Variants in PRELID2 observed in about 807,000 individuals in gnomAD.
The protein encoded by PRELID2 is PRELI domain containing 2, also known as PRELI domain-containing protein 2.
Under a neutral mutation model 28.4 loss-of-function variants are expected in PRELID2, and 25 were observed. The ratio of observed to expected loss-of-function variants is 0.88; its 90% confidence interval spans 0.64 to 1.23. PRELID2 has a LOEUF of 1.23. Ranked by LOEUF, PRELID2 falls within the 50% of genes most tolerant of loss-of-function variation. The pLI is 0.00. For missense variants in PRELID2, 201 were observed against 214.4 expected (o/e 0.94, Z 0.39); for synonymous variants, 76 against 71.6 (o/e 1.06, Z -0.31).
the PRELID2 span, among the ~76,000 whole-genome samples, chr5:145,296,483 T>C: frequency 6.6e-6 from 1 of 152,022 alleles, no homozygotes; most frequent in African/African-American, 2.4e-5. Context: ...AGAATGATGA[T>C]TTCCAATTTC....
At chr5:145,410,365 T>C in the PRELID2 span, among the ~76,000 whole-genome samples, 12 of 152,314 alleles carry the variant, frequency 7.9e-5, no homozygotes, top group South Asian at 2.5e-3. Context: ...ATCAGCAGTG[T>C]TAAAGACAAC....
chr5:145,662,255 G>A (rs1357699556), intron 1 of PRELID2, among the ~76,000 whole-genome samples: 1 of 152,032 alleles, frequency 6.6e-6, no homozygotes, highest in Non-Finnish European at 1.5e-5. Context: ...AAACCAGAGA[G>A]ACATGAGATC....
At chr5:145,817,447 A>ATC (rs1554099478) in intron 4 of PRELID2, among the ~76,000 whole-genome samples, 1 of 130,252 alleles carries the variant, frequency 7.7e-6, no homozygotes, top group African/African-American at 2.8e-5. Context: ...ATATATATAT[A>ATC]TCACATGGTT....
the PRELID2 span, among the ~76,000 whole-genome samples, chr5:145,331,181 G>GCATTCACAA: frequency 6.2e-4 from 95 of 152,264 alleles, no homozygotes; most frequent in Non-Finnish European, 1.1e-3. Context: ...ACTGAGGAGT[G>GCATTCACAA]TTTTACTTCC....
At chr5:145,421,765 C>T in the PRELID2 span, among the ~76,000 whole-genome samples, 1 of 134,782 alleles carries the variant, frequency 7.4e-6, no homozygotes, top group South Asian at 2.2e-4. Context: ...TATTTCTTGC[C>T]TTCTGCTAGC....
chr5:145,450,264 A>C, the PRELID2 span, among the ~76,000 whole-genome samples: 6 of 152,286 alleles, frequency 3.9e-5, no homozygotes, highest in Middle Eastern at 3.4e-3. Flanking sequence ...AGAAATTGAT[A>C]ATTTAAACAG....
chr5:145,798,150 T>C (rs912533476), intron 4 of PRELID2, among the ~76,000 whole-genome samples: 1 of 151,874 alleles, frequency 6.6e-6, no homozygotes, highest in East Asian at 2.0e-4. Context: ...AACTTAAAGA[T>C]AGGTTATTTG....
chr5:145,425,664 C>T, the PRELID2 span, among the ~76,000 whole-genome samples: 20 of 152,100 alleles, frequency 1.3e-4, no homozygotes, highest in Non-Finnish European at 1.5e-4. Context: ...AACAGAAAAC[C>T]AACCACCTCA....
the PRELID2 span, among the ~76,000 whole-genome samples, chr5:145,231,281 G>T: frequency 7.9e-5 from 12 of 151,544 alleles, no homozygotes; most frequent in Non-Finnish European, 1.5e-4. Context: ...CACAGGTTTT[G>T]GGGGAACAGG....
At chr5:145,658,923 G>A (rs1754440453) in intron 1 of PRELID2, among the ~76,000 whole-genome samples, 1 of 152,200 alleles carries the variant, frequency 6.6e-6, no homozygotes, top group Admixed American at 6.5e-5. Flanking sequence ...TTTAGGTACT[G>A]TGTTTCAGAA....
chr5:145,686,853 T>TGGGC (rs1755047604), intron 1 of PRELID2, among the ~76,000 whole-genome samples: 1 of 152,210 alleles, frequency 6.6e-6, no homozygotes, highest in South Asian at 2.1e-4. Context: ...AAAAAATTTT[T>TGGGC]TCTTTAATTT....
intron 1 of PRELID2, among the ~76,000 whole-genome samples, chr5:145,481,126 C>A (rs140728069): frequency 1.3e-5 from 2 of 152,202 alleles, no homozygotes; most frequent in Middle Eastern, 3.4e-3. Flanking sequence ...GATAAAAGCC[C>A]TACTTTTCAC....
At chr5:145,295,019 TA>T in the PRELID2 span, among the ~76,000 whole-genome samples, 2 of 152,138 alleles carry the variant, frequency 1.3e-5, no homozygotes, top group African/African-American at 4.8e-5. Flanking sequence ...GGAACATAGA[TA>T]TTGATTTCCT....
Position 145,800,287 on chromosome 5 carries a change from T to C in PRELID2, c.369-3740A>G, listed in dbSNP as rs1053233177. Among the ~76,000 whole-genome samples the C allele has an allele frequency of 3.1e-5, 4 of 129,992 alleles. No homozygotes were observed. The East Asian group carries it at 9.8e-4, about 32-fold the overall frequency. 85.3% of individuals were successfully genotyped at this position (129,992 alleles called of 152,430 possible). ...CCTCTCTCCCTCTCCCCCTTCCCTT[T>C]CCTCCCCTTCTCTTACACACACACA... On this transcript the variant is annotated intron_variant, in intron 4 of 6. Transcript: ENST00000683046.
chr5:145,632,431 GA>G (rs1369178571), intron 1 of PRELID2, among the ~76,000 whole-genome samples: 2 of 152,218 alleles, frequency 1.3e-5, no homozygotes, highest in African/African-American at 4.8e-5. Context: ...GTGAATATTA[GA>G]AAAAATCACA....
chr5:145,377,687 C>A, the PRELID2 span, among the ~76,000 whole-genome samples: 1 of 151,582 alleles, frequency 6.6e-6, no homozygotes, highest in Non-Finnish European at 1.5e-5. Flanking sequence ...GGATTGCAAC[C>A]CCGTTTTCTT....
intron 5 of PRELID2, among the ~76,000 whole-genome samples, chr5:145,771,333 A>G (rs773836527): frequency 5.3e-4 from 81 of 152,150 alleles, no homozygotes; most frequent in Admixed American, 1.3e-3. Context: ...CGTGCACTCT[A>G]TGAGGTTTGT....
the PRELID2 span, among the ~76,000 whole-genome samples, chr5:145,357,554 T>C: frequency 3.8e-4 from 58 of 152,324 alleles, no homozygotes; most frequent in African/African-American, 1.3e-3. Flanking sequence ...AATGGTACTA[T>C]GAAATTCTTG....
intron 1 of PRELID2, among the ~76,000 whole-genome samples, chr5:145,827,934 G>T (rs1258658939): frequency 6.6e-6 from 1 of 152,170 alleles, no homozygotes; most frequent in Non-Finnish European, 1.5e-5. Context: ...TTGTATCAGT[G>T]TTAATTTCCT....
Sources: gnomAD v4.1 joint callset for allele counts (sites outside exome capture counted in the v4.1 genomes callset) on GRCh38, gnomAD v4.1.1 for gene constraint, MANE v1.5 for transcripts, NCBI Gene and HGNC (gene_info 2026-07-23, HGNC 2026-07-21) for gene names.